Variants in CCDC91 observed in about 807,000 individuals in gnomAD.
CCDC91 encodes coiled-coil domain-containing protein 91.
Under a neutral mutation model 63.2 loss-of-function variants are expected in CCDC91, and 48 were observed. That is an observed-to-expected ratio of 0.76 (90% CI 0.60 to 0.97). The LOEUF is 0.97. Among genes scored for constraint, CCDC91 ranks in the 50% least tolerant of loss-of-function variants. CCDC91 has a pLI of 0.00. For synonymous variants in CCDC91, 167 were observed against 165.8 expected, an observed-to-expected ratio of 1.01 and a Z score of -0.06; for missense variants, 500 against 494.6, an observed-to-expected ratio of 1.01 and a Z score of -0.10.
chr12:28,205,778 C>T (rs1455825915), intron 1 of CCDC91, among the ~76,000 whole-genome samples: 1 of 152,206 alleles, frequency 6.6e-6, no homozygotes, highest in Admixed American at 6.5e-5. Context: ...GTTAGGTTTT[C>T]AGTCTTGTCA....
At chr12:28,399,655 T>C (rs769011102) in intron 8 of CCDC91, among the ~76,000 whole-genome samples, 10 of 152,142 alleles carry the variant, frequency 6.6e-5, no homozygotes, top group Non-Finnish European at 1.3e-4. Context: ...CTAGATACAA[T>C]GGAGATACAG....
chr12:28,269,812 C>T (rs1947617077), intron 3 of CCDC91, among the ~76,000 whole-genome samples: 1 of 151,916 alleles, frequency 6.6e-6, no homozygotes, highest in South Asian at 2.1e-4. Flanking sequence ...AAGATTTGTA[C>T]CTGTTATTAG....
intron 1 of CCDC91, among the ~76,000 whole-genome samples, chr12:28,227,962 G>C (rs768729512): frequency 6.6e-6 from 1 of 152,014 alleles, no homozygotes; most frequent in Non-Finnish European, 1.5e-5. Context: ...AAGTGATAGC[G>C]TGTCTAAAGA....
chr12:28,240,251 A>G (rs1039620029), intron 1 of CCDC91, among the ~76,000 whole-genome samples: 5 of 152,118 alleles, frequency 3.3e-5, no homozygotes, highest in African/African-American at 9.7e-5. Flanking sequence ...TACCGTTTTC[A>G]CTGTATTCTT....
At chr12:28,488,641 C>A (rs7306581) in intron 12 of CCDC91, among the ~76,000 whole-genome samples, 1 of 151,596 alleles carries the variant, frequency 6.6e-6, no homozygotes, top group South Asian at 2.1e-4. Context: ...GTAGCCTTAA[C>A]ACTCATAAAT....
At chr12:28,428,522 T>G (rs1948449498) in intron 8 of CCDC91, among the ~76,000 whole-genome samples, 1 of 139,342 alleles carries the variant, frequency 7.2e-6, no homozygotes, top group Admixed American at 7.4e-5. Flanking sequence ...TGAGCTGAGA[T>G]TGCACCATTG....
At chr12:28,222,295 C>T (rs553110009) in intron 1 of CCDC91, among the ~76,000 whole-genome samples, 11 of 151,748 alleles carry the variant, frequency 7.2e-5, no homozygotes, top group Non-Finnish European at 1.6e-4. Context: ...ACAGGGGTGG[C>T]GGTGGTGGTG....
chr12:28,250,409 G>A (rs1309442018), intron 1 of CCDC91, among the ~76,000 whole-genome samples: 1 of 152,060 alleles, frequency 6.6e-6, no homozygotes, highest in Non-Finnish European at 1.5e-5. Flanking sequence ...AGTTTCACTG[G>A]TAGTAGAATT....
chr12:28,452,685 A>C, intron 11 of CCDC91, 31 bp downstream of exon 11: 2 of 1,239,926 alleles, frequency 1.6e-6, no homozygotes, highest in African/African-American at 1.6e-5. Context: ...GTAAATATTT[A>C]CTTTTTTCTC....
At chr12:28,457,636 C>T (rs1434482909) in intron 11 of CCDC91, among the ~76,000 whole-genome samples, 1 of 151,312 alleles carries the variant, frequency 6.6e-6, no homozygotes, top group African/African-American at 2.4e-5. Context: ...GACAGAAAAC[C>T]GAGTACCTAA....
intron 11 of CCDC91, among the ~76,000 whole-genome samples, chr12:28,482,233 G>T (rs1951485651): frequency 6.6e-6 from 1 of 151,732 alleles, no homozygotes; most frequent in African/African-American, 2.4e-5. Context: ...TTCTAAATTT[G>T]CAAGTGTGAA....
rs887452551 is a variant in CCDC91 at position 28,502,442 on chromosome 12, C to G, written c.1215+18277C>G. Among the ~76,000 whole-genome samples the G allele has an allele frequency of 1.6e-3, 236 of 151,882 alleles. 2 individuals are homozygous for G. The highest frequency in any genetic ancestry group is 5.0e-3 in the African/African-American group (206 of 41,496). ...TCAATGAAATAAAAGAGGATACAAACAAATGGAACAACATTCCATGCTCAT... is the reference window on the plus strand; with the variant it reads ...TCAATGAAATAAAAGAGGATACAAAGAAATGGAACAACATTCCATGCTCAT... On this transcript the variant is annotated intron_variant, in intron 12 of 12. Coordinates refer to ENST00000536442, the MANE Select transcript of CCDC91 (RefSeq NM_018318.5).
intron 11 of CCDC91, among the ~76,000 whole-genome samples, chr12:28,454,296 A>G (rs1440939753): frequency 1.3e-5 from 2 of 152,126 alleles, no homozygotes; most frequent in Non-Finnish European, 2.9e-5. Context: ...CTGGCCTTGT[A>G]CTGGTGAAGA....
intron 8 of CCDC91, among the ~76,000 whole-genome samples, chr12:28,423,611 A>G (rs558712612): frequency 6.6e-6 from 1 of 152,250 alleles, no homozygotes; most frequent in East Asian, 1.9e-4. Flanking sequence ...AAACGCTGGA[A>G]TAGTGGGGCT....
At chr12:28,425,506 C>T (rs1297626178) in intron 8 of CCDC91, among the ~76,000 whole-genome samples, 5 of 152,094 alleles carry the variant, frequency 3.3e-5, no homozygotes, top group African/African-American at 1.2e-4. Context: ...TCCACCTGAC[C>T]CTCGACTTGT....
intron 6 of CCDC91, among the ~76,000 whole-genome samples, chr12:28,314,170 C>T (rs1028910324): frequency 5.6e-5 from 3 of 53,824 alleles, no homozygotes; most frequent in African/African-American, 7.6e-5. Context: ...GATTATTTGG[C>T]TTGAAAATTT....
chr12:28,446,760 C>T (rs554430383), intron 8 of CCDC91, among the ~76,000 whole-genome samples: 40 of 152,124 alleles, frequency 2.6e-4, no homozygotes, highest in Middle Eastern at 3.4e-3. Flanking sequence ...CCACCTTGTG[C>T]GGCCTCAAAA....
chr12:28,547,607 A>G (rs1943079424), intron 12 of CCDC91, among the ~76,000 whole-genome samples: 2 of 152,108 alleles, frequency 1.3e-5, no homozygotes, highest in South Asian at 4.1e-4. Flanking sequence ...ATTCACCTGA[A>G]GGTATCATCC....
intron 3 of CCDC91, among the ~76,000 whole-genome samples, chr12:28,261,041 A>G (rs1018652747): frequency 1.2e-4 from 19 of 152,006 alleles, no homozygotes; most frequent in African/African-American, 4.1e-4. Flanking sequence ...TTCTTTTTCA[A>G]TAACTCAGGT....
Sources: gnomAD v4.1 joint callset for allele counts (sites outside exome capture counted in the v4.1 genomes callset) on GRCh38, gnomAD v4.1.1 for gene constraint, MANE v1.5 for transcripts, NCBI Gene and HGNC (gene_info 2026-07-23, HGNC 2026-07-21) for gene names.